CIMAP1D: variants seen among roughly 807,000 people sequenced by gnomAD.
CIMAP1D encodes the protein CIMAP1 family member D.
chr19:474,590 G>T, the CIMAP1D span: 16,257 of 1,483,296 alleles, frequency 0.011, 135 homozygotes, highest in Middle Eastern at 0.019. Context: ...GCAGGAAAAG[G>T]TCCCACCCAT....
chr19:480,872 A>AAACGATGATGGAG, the CIMAP1D span, among the ~76,000 whole-genome samples: 1 of 53,042 alleles, frequency 1.9e-5, no homozygotes, highest in Non-Finnish European at 3.4e-5. Context: ...CGATGATGGA[A>AAACGATGATGGAG]AACGATGATG....
At chr19:472,437 C>T in the CIMAP1D span, 1 of 1,547,334 alleles carries the variant, frequency 6.5e-7, no homozygotes, top group Non-Finnish European at 8.7e-7. Context: ...GACTGGCCAC[C>T]CTGGTGCAGT....
the CIMAP1D span, among the ~76,000 whole-genome samples, chr19:481,621 G>A: frequency 5.9e-5 from 9 of 151,648 alleles, no homozygotes; most frequent in Admixed American, 3.3e-4. Context: ...GAGGATGACC[G>A]AGAAGGATGA....
At chr19:467,563 T>G in the CIMAP1D span, 2 of 876,276 alleles carry the variant, frequency 2.3e-6, no homozygotes, top group Non-Finnish European at 3.9e-6. Context: ...ACTCCAAGGA[T>G]AAGAGGGGGA....
At chr19:470,543 CAG>C in the CIMAP1D span, among the ~76,000 whole-genome samples, 2 of 152,158 alleles carry the variant, frequency 1.3e-5, no homozygotes, top group Admixed American at 6.5e-5. Context: ...GTCCTGGGGA[CAG>C]GGGGTGCTGA....
At chr19:464,214 G>A in the CIMAP1D span, 2 of 1,519,374 alleles carry the variant, frequency 1.3e-6, no homozygotes, top group Non-Finnish European at 1.8e-6. Flanking sequence ...CCACAGAGGG[G>A]GCATGGTGTA....
the CIMAP1D span, among the ~76,000 whole-genome samples, chr19:466,766 T>C: frequency 8.9e-6 from 1 of 112,298 alleles, no homozygotes; most frequent in Non-Finnish European, 1.8e-5. Context: ...GTTGGGTGGG[T>C]GGATGGATGA....
the CIMAP1D span, among the ~76,000 whole-genome samples, chr19:484,699 G>A: frequency 2.0e-5 from 3 of 152,222 alleles, no homozygotes; most frequent in African/African-American, 7.2e-5. Flanking sequence ...CGCACCTGGC[G>A]AGGCGGAGGA....
chr19:479,306 T>C, the CIMAP1D span, among the ~76,000 whole-genome samples: 1 of 151,512 alleles, frequency 6.6e-6, no homozygotes, highest in Non-Finnish European at 1.5e-5. Context: ...TCCTCTCTGC[T>C]CTTGTTACCC....
the CIMAP1D span, among the ~76,000 whole-genome samples, chr19:490,869 C>T: frequency 1.3e-5 from 2 of 152,212 alleles, no homozygotes; most frequent in African/African-American, 2.4e-5. Context: ...GAGGCCAAGG[C>T]GGGCGGATCA....
the CIMAP1D span, among the ~76,000 whole-genome samples, chr19:464,546 C>G: frequency 2.6e-5 from 4 of 152,290 alleles, no homozygotes; most frequent in East Asian, 7.7e-4. Flanking sequence ...CAGGACTTTG[C>G]CCAAGCTGGA....
the CIMAP1D span, among the ~76,000 whole-genome samples, chr19:472,843 G>C: frequency 2.0e-5 from 3 of 149,230 alleles, no homozygotes; most frequent in Admixed American, 2.0e-4. Context: ...GGGAGACTGA[G>C]GCCCAGGCAG....
At chr19:483,239 C>T in the CIMAP1D span, among the ~76,000 whole-genome samples, 1 of 150,964 alleles carries the variant, frequency 6.6e-6, no homozygotes, top group East Asian at 2.0e-4. Context: ...ACGGCCCAGT[C>T]CAGGGCCCCA....
chr19:466,666 G>A, the CIMAP1D span, among the ~76,000 whole-genome samples: 1 of 143,580 alleles, frequency 7.0e-6, no homozygotes, highest in Non-Finnish European at 1.5e-5. Flanking sequence ...GGGTAGGTGG[G>A]TGGATGGATG....
the CIMAP1D span, among the ~76,000 whole-genome samples, chr19:483,373 C>T: frequency 2.0e-5 from 3 of 152,050 alleles, no homozygotes; most frequent in East Asian, 1.9e-4. Flanking sequence ...GCCCTACAGA[C>T]GCCCATCCTG....
chr19:487,498 C>T, the CIMAP1D span, among the ~76,000 whole-genome samples: 1 of 152,246 alleles, frequency 6.6e-6, no homozygotes, highest in African/African-American at 2.4e-5. Context: ...GCTTGGCATA[C>T]AGCAGGCACT....
At chr19:470,108 C>T in the CIMAP1D span, among the ~76,000 whole-genome samples, 1 of 152,156 alleles carries the variant, frequency 6.6e-6, no homozygotes, top group Non-Finnish European at 1.5e-5. Flanking sequence ...GCACGATCCC[C>T]AGTCCACCAG....
At chr19:482,787 GC>G in the CIMAP1D span, among the ~76,000 whole-genome samples, 1 of 152,086 alleles carries the variant, frequency 6.6e-6, no homozygotes, top group South Asian at 2.1e-4. Flanking sequence ...GCACTGTCCT[GC>G]CCACCTACAC....
chr19:476,938 G>A, the CIMAP1D span, among the ~76,000 whole-genome samples: 32 of 152,314 alleles, frequency 2.1e-4, no homozygotes, highest in South Asian at 5.8e-3. Flanking sequence ...TGGGCACAGC[G>A]GCTCACACCT....
Sources: allele counts gnomAD v4.1 joint callset (sites outside exome capture counted in the v4.1 genomes callset), GRCh38; gene constraint gnomAD v4.1.1; transcripts MANE v1.5; gene names NCBI Gene and HGNC (gene_info 2026-07-23, HGNC 2026-07-21).